Variants in MYO10 observed in about 807,000 individuals in gnomAD.
MYO10 encodes the protein myosin X, also known as unconventional myosin-X.
MYO10 carries 133 observed loss-of-function variants against 257.3 expected under a neutral mutation model. The observed-to-expected ratio is 0.52, with a 90% CI of 0.45 to 0.60. The LOEUF (loss-of-function observed/expected upper bound fraction) is 0.60, where lower values mean the gene tolerates loss of function less well. MYO10 is among the 20% of genes least tolerant of loss of function. MYO10 has a pLI of 0.00. For synonymous variants in MYO10, 1,104 were observed against 1,028.6 expected (o/e 1.07, Z -1.40); for missense variants, 2,399 against 2,635.7 (o/e 0.91, Z 1.97).
chr5:16,783,111 C>A (rs1256481551), intron 5 of MYO10, among the ~76,000 whole-genome samples: 1 of 152,204 alleles, frequency 6.6e-6, no homozygotes, highest in Non-Finnish European at 1.5e-5. Context: ...ACTCAGTCCC[C>A]ATCTCAGACC....
rs547208380 is a variant in MYO10 at position 16,867,995 on chromosome 5, C to T, written c.120+9614G>A. ...AAACGGAATCCCTGCACAGAGTAATCGCCTTGATGAAATGGGCTGCAGTAA... is the reference window on the plus strand; with the variant it reads ...AAACGGAATCCCTGCACAGAGTAATTGCCTTGATGAAATGGGCTGCAGTAA... On this transcript the variant is annotated intron_variant, in intron 2 of 40. Transcript: ENST00000513610. 1.6e-4 allele frequency among the ~76,000 whole-genome samples: 24 copies of T among 152,246 alleles called. No homozygotes were observed. The South Asian group carries it at 4.4e-3, about 28-fold the overall frequency.
intron 2 of MYO10, among the ~76,000 whole-genome samples, chr5:16,826,540 G>A (rs1366849344): frequency 1.3e-5 from 2 of 152,200 alleles, no homozygotes; most frequent in African/African-American, 4.8e-5. Context: ...CCCAGGCTCT[G>A]AAGATGAGAG....
chr5:16,683,274 T>C (rs1737090917), intron 30 of MYO10, among the ~76,000 whole-genome samples: 1 of 152,148 alleles, frequency 6.6e-6, no homozygotes, highest in Non-Finnish European at 1.5e-5. Flanking sequence ...TTTCTTAAAT[T>C]CTGCTGCAGG....
chr5:16,923,915 C>A (rs1200230081), intron 1 of MYO10, among the ~76,000 whole-genome samples: 2 of 152,062 alleles, frequency 1.3e-5, no homozygotes, highest in Non-Finnish European at 2.9e-5. Flanking sequence ...AACAAGGAGA[C>A]CTCATCTCTA....
At chr5:16,858,113 C>T (rs1744010525) in intron 2 of MYO10, among the ~76,000 whole-genome samples, 1 of 152,214 alleles carries the variant, frequency 6.6e-6, no homozygotes, top group African/African-American at 2.4e-5. Context: ...CAAGACGCTA[C>T]CTGCTGTGAA....
At chr5:16,798,837 A>G (rs560593402) in intron 3 of MYO10, among the ~76,000 whole-genome samples, 1 of 152,278 alleles carries the variant, frequency 6.6e-6, no homozygotes, top group South Asian at 2.1e-4. Flanking sequence ...AACACTGCCA[A>G]CCATCAACAC....
intron 1 of MYO10, among the ~76,000 whole-genome samples, chr5:16,927,706 G>T (rs763359992): frequency 4.6e-5 from 7 of 152,180 alleles, no homozygotes; most frequent in African/African-American, 1.7e-4. Flanking sequence ...CTGGGTGAAG[G>T]TAGAGCTATT....
chr5:16,780,847 C>A lies in MYO10; in HGVS notation c.728-106G>T, dbSNP rs1447278752. 3.4e-6 allele frequency: 4 copies of A among 1,179,194 alleles called. No homozygotes were observed. The Admixed American group carries it at 7.6e-5, about 22-fold the overall frequency. The allele number at this position is 1,179,194 out of a possible 1,614,324, so 73.0% of individuals were successfully genotyped here. On this transcript the variant is annotated intron_variant, in intron 6 of 40. Coordinates refer to ENST00000513610, the MANE Select transcript of MYO10 (RefSeq NM_012334.3). The stretch of plus-strand genomic sequence containing the variant: ...TTTGGTGCTCAAATAATTACAGTTC[C>A]CTGTTCCTTTGACATAGAAGCTTCC...
rs190303892 is a variant in MYO10, at chr5:16,771,989, T to C, written c.931-2786A>G. Among the ~76,000 whole-genome samples, 22 of 152,140 alleles carry C rather than the reference T, an allele frequency of 1.4e-4. 1 individual carries two copies. Among genetic ancestry groups the C allele is most frequent in the Admixed American group, 1.4e-3 (22 of 15,258 alleles). On this transcript the variant is annotated intron_variant, in intron 9 of 40. Transcript: ENST00000513610. Reference sequence around the variant, plus strand: ...ATAATTTCAATGCTGAAAATTTGTTTCAAGGAAAATTTCAAGAAAAGAAAA... The same window carrying C: ...ATAATTTCAATGCTGAAAATTTGTTCCAAGGAAAATTTCAAGAAAAGAAAA...
intron 4 of MYO10, among the ~76,000 whole-genome samples, chr5:16,784,498 C>T (rs1432082915): frequency 1.3e-5 from 2 of 152,146 alleles, no homozygotes; most frequent in East Asian, 1.9e-4. Context: ...GAGGAAGATA[C>T]GGACATGAGA....
intron 27 of MYO10, among the ~76,000 whole-genome samples, chr5:16,692,602 G>A (rs1248614555): frequency 6.6e-6 from 1 of 152,038 alleles, no homozygotes; most frequent in Non-Finnish European, 1.5e-5. Flanking sequence ...ATAGGGACTT[G>A]CTATAAAAGG....
chr5:16,670,280 G>A (rs1361751154), intron 39 of MYO10, among the ~76,000 whole-genome samples: 1 of 152,150 alleles, frequency 6.6e-6, no homozygotes, highest in Non-Finnish European at 1.5e-5. Context: ...CTAAGGAAGG[G>A]TAGAAGAATA....
At chr5:16,824,368 G>A (rs1742937903) in intron 2 of MYO10, among the ~76,000 whole-genome samples, 1 of 152,098 alleles carries the variant, frequency 6.6e-6, no homozygotes, top group Non-Finnish European at 1.5e-5. Flanking sequence ...GAATTTGGGG[G>A]AGAGGAGAAG....
intron 1 of MYO10, among the ~76,000 whole-genome samples, chr5:16,913,436 G>A: frequency 6.6e-6 from 1 of 152,208 alleles, no homozygotes; most frequent in Non-Finnish European, 1.5e-5. Flanking sequence ...GTGTATGGCT[G>A]TCTAAAGCTC....
intron 2 of MYO10, among the ~76,000 whole-genome samples, chr5:16,872,914 G>A (rs1744492280): frequency 6.6e-6 from 1 of 152,112 alleles, no homozygotes; most frequent in South Asian, 2.1e-4. Context: ...TGGGAATTCT[G>A]GGAGATACAA....
chr5:16,798,485 G>GAA (rs113655164), intron 3 of MYO10, among the ~76,000 whole-genome samples: 16 of 148,690 alleles, frequency 1.1e-4, no homozygotes, highest in African/African-American at 3.4e-4. Flanking sequence ...ATGGAAGTTG[G>GAA]AAAAAAAAAA....
chr5:16,869,722 G>A (rs1030547904), intron 2 of MYO10, among the ~76,000 whole-genome samples: 7 of 151,118 alleles, frequency 4.6e-5, no homozygotes, highest in Admixed American at 1.3e-4. Flanking sequence ...AAAATTAGCC[G>A]GGCGTGCTGA....
At chr5:16,815,269 G>A in intron 3 of MYO10, 1 of 527,406 alleles carries the variant, frequency 1.9e-6, no homozygotes, top group Admixed American at 3.5e-5. Flanking sequence ...AAGTGTTGTG[G>A]ATTTCAATAT....
At position 16,852,105 on chromosome 5, in the gene MYO10, AGAAG is replaced by A. The variant is rs538621466; in HGVS notation, c.120+25500_120+25503del. On this transcript the variant is annotated intron_variant, in intron 2 of 40. Transcript: ENST00000513610. Reference sequence around the variant, plus strand: ...AGACTTACTGATCACTGGGAAGGAAAGAAGGAAGGAAGGAAGGGAGGGAAGGAGG... The same window carrying A: ...AGACTTACTGATCACTGGGAAGGAAAGAAGGAAGGAAGGGAGGGAAGGAGG... Among the ~76,000 whole-genome samples, 426 of 149,590 alleles carry A rather than the reference AGAAG, an allele frequency of 2.8e-3. 2 individuals carry two copies. Among genetic ancestry groups the A allele is most frequent in the African/African-American group, 0.01 (410 of 40,826 alleles).
Sources: allele counts gnomAD v4.1 joint callset (sites outside exome capture counted in the v4.1 genomes callset), GRCh38; gene constraint gnomAD v4.1.1; transcripts MANE v1.5; gene names NCBI Gene and HGNC (gene_info 2026-07-23, HGNC 2026-07-21).